Variants in ENTREP2 observed in about 807,000 individuals in gnomAD.
The protein encoded by ENTREP2 is protein ENTREP2.
At chr15:29,613,397 G>C in the ENTREP2 span, 735 of 442,620 alleles carry the variant, frequency 1.7e-3, 6 homozygotes, top group African/African-American at 0.014. Flanking sequence ...AGGAAGCTGA[G>C]AGCTGTGACT....
chr15:29,207,073 C>A, the ENTREP2 span, among the ~76,000 whole-genome samples: 3 of 152,150 alleles, frequency 2.0e-5, no homozygotes, highest in African/African-American at 7.2e-5. Context: ...GCAGCTCCTG[C>A]AGCAGTGCCC....
the ENTREP2 span, among the ~76,000 whole-genome samples, chr15:29,349,776 T>A: frequency 1.3e-5 from 2 of 152,108 alleles, no homozygotes; most frequent in Admixed American, 1.3e-4. Context: ...CGCGTACCTG[T>A]AGTCCCAGCT....
At chr15:29,460,542 G>C in the ENTREP2 span, among the ~76,000 whole-genome samples, 2 of 152,110 alleles carry the variant, frequency 1.3e-5, no homozygotes, top group Admixed American at 1.3e-4. Context: ...TGAGGCAGGA[G>C]AATCACTTGA....
the ENTREP2 span, among the ~76,000 whole-genome samples, chr15:29,473,753 T>C: frequency 1.3e-5 from 2 of 152,294 alleles, no homozygotes; most frequent in Admixed American, 6.5e-5. Context: ...CTGTCCTCAG[T>C]TCAAGAAACC....
chr15:29,294,513 A>G, the ENTREP2 span, among the ~76,000 whole-genome samples: 1 of 152,212 alleles, frequency 6.6e-6, no homozygotes, highest in Admixed American at 6.5e-5. Flanking sequence ...CTCTTTTGCT[A>G]CAGGACCAAG....
At chr15:29,394,339 A>G in the ENTREP2 span, among the ~76,000 whole-genome samples, 1 of 152,162 alleles carries the variant, frequency 6.6e-6, no homozygotes, top group Non-Finnish European at 1.5e-5. Context: ...AGAAGAAACA[A>G]TGTCATTGAA....
the ENTREP2 span, among the ~76,000 whole-genome samples, chr15:29,425,224 G>A: frequency 1.2e-4 from 18 of 148,440 alleles, no homozygotes; most frequent in East Asian, 3.6e-3. Context: ...TTTTTTAATA[G>A]ACATGGGGTT....
chr15:29,170,422 C>A, the ENTREP2 span, among the ~76,000 whole-genome samples: 1 of 149,954 alleles, frequency 6.7e-6, no homozygotes, highest in Non-Finnish European at 1.5e-5. Context: ...GTAAAGTAGC[C>A]AAGAATAAAT....
At chr15:29,656,230 T>C in the ENTREP2 span, among the ~76,000 whole-genome samples, 4 of 123,068 alleles carry the variant, frequency 3.3e-5, no homozygotes, top group Admixed American at 2.4e-4. Context: ...GTTAACGGAA[T>C]TTTTTTTTTT....
At chr15:29,367,490 T>C in the ENTREP2 span, among the ~76,000 whole-genome samples, 2 of 152,168 alleles carry the variant, frequency 1.3e-5, no homozygotes, top group African/African-American at 4.8e-5. Flanking sequence ...CAGTAGATAA[T>C]AGTTGGGGCA....
chr15:29,223,918 G>T, the ENTREP2 span, among the ~76,000 whole-genome samples: 1 of 152,178 alleles, frequency 6.6e-6, no homozygotes, highest in South Asian at 2.1e-4. Context: ...AAAGTCTGAA[G>T]CTTGCCCGCC....
chr15:29,648,174 G>A, the ENTREP2 span, among the ~76,000 whole-genome samples: 1 of 152,144 alleles, frequency 6.6e-6, no homozygotes, highest in Non-Finnish European at 1.5e-5. Context: ...ACCAAAAAGA[G>A]GCTTTAGCTC....
At chr15:29,461,230 A>G in the ENTREP2 span, among the ~76,000 whole-genome samples, 3 of 152,130 alleles carry the variant, frequency 2.0e-5, no homozygotes, top group Non-Finnish European at 4.4e-5. Flanking sequence ...TTCATTTTAT[A>G]AATGCCAAGT....
chr15:29,383,366 C>G, the ENTREP2 span, among the ~76,000 whole-genome samples: 1 of 152,312 alleles, frequency 6.6e-6, no homozygotes, highest in East Asian at 1.9e-4. Flanking sequence ...TCACTCAAGC[C>G]GAAATCCTGG....
the ENTREP2 span, among the ~76,000 whole-genome samples, chr15:29,388,076 A>C: frequency 6.6e-6 from 1 of 152,228 alleles, no homozygotes; most frequent in Non-Finnish European, 1.5e-5. Flanking sequence ...CTTCATGTCT[A>C]AAACACCAAA....
At chr15:29,413,644 C>A in the ENTREP2 span, among the ~76,000 whole-genome samples, 1,453 of 152,220 alleles carry the variant, frequency 9.5e-3, 25 homozygotes, top group African/African-American at 0.033. Context: ...TACATACGTA[C>A]GGTATTTTGC....
chr15:29,400,974 C>T, the ENTREP2 span, among the ~76,000 whole-genome samples: 3 of 152,356 alleles, frequency 2.0e-5, no homozygotes, highest in Admixed American at 6.5e-5. Flanking sequence ...TGATGCACTA[C>T]GTGCTACCTC....
At chr15:29,269,478 G>A in the ENTREP2 span, 2 of 1,611,556 alleles carry the variant, frequency 1.2e-6, no homozygotes, top group Non-Finnish European at 1.7e-6. Context: ...TGGGCCCCAC[G>A]GCGGGGGCGG....
the ENTREP2 span, among the ~76,000 whole-genome samples, chr15:29,472,232 G>A: frequency 2.6e-5 from 4 of 152,102 alleles, no homozygotes; most frequent in Non-Finnish European, 5.9e-5. Flanking sequence ...CTGAAGCCAG[G>A]CCTGTCATGC....
Sources: gnomAD v4.1 joint callset for allele counts (sites outside exome capture counted in the v4.1 genomes callset) on GRCh38, gnomAD v4.1.1 for gene constraint, MANE v1.5 for transcripts, NCBI Gene and HGNC (gene_info 2026-07-23, HGNC 2026-07-21) for gene names.